Variants in RBPJ observed in about 807,000 individuals in gnomAD.
RBPJ encodes recombination signal binding protein for immunoglobulin kappa J region.
A neutral mutation model predicts 67.8 loss-of-function variants in RBPJ; 9 were observed. That is an observed-to-expected ratio of 0.13 (90% CI 0.08 to 0.23). RBPJ has a LOEUF of 0.23. Among genes scored for constraint, RBPJ ranks in the 10% least tolerant of loss-of-function variants. The probability of loss-of-function intolerance (pLI) is 1.00; values close to 1 mark genes in which losing one functional copy is unlikely to be tolerated. For missense variants in RBPJ, 305 were observed against 595.6 expected (o/e 0.51, Z 5.08); for synonymous variants, 198 against 203.3 (o/e 0.97, Z 0.22).
intron 1 of RBPJ, among the ~76,000 whole-genome samples, chr4:26,278,435 ATGTAG>A (rs1301061672): frequency 6.6e-6 from 1 of 152,238 alleles, no homozygotes; most frequent in African/African-American, 2.4e-5. Context: ...TAGAAAAAAT[ATGTAG>A]TGTTTTGGGT....
At chr4:26,129,370 C>T in the RBPJ span, among the ~76,000 whole-genome samples, 1 of 152,142 alleles carries the variant, frequency 6.6e-6, no homozygotes, top group Non-Finnish European at 1.5e-5. Flanking sequence ...TTCAAAGTGA[C>T]TACACATTGG....
chr4:26,356,314 A>C (rs1299173040), intron 1 of RBPJ, among the ~76,000 whole-genome samples: 8 of 152,350 alleles, frequency 5.3e-5, no homozygotes, highest in South Asian at 4.1e-4. Flanking sequence ...CTGTGTAGCT[A>C]CTGCCATTCA....
At chr4:26,417,776 C>T (rs953859306) in intron 4 of RBPJ, among the ~76,000 whole-genome samples, 1 of 152,120 alleles carries the variant, frequency 6.6e-6, no homozygotes, top group African/African-American at 2.4e-5. Flanking sequence ...AAACTCCATT[C>T]GTGTAAGGAA....
At position 26,380,556 on chromosome 4, in the gene RBPJ, T is replaced by C. The variant is rs186261806; in HGVS notation, c.21-5797T>C. Reference sequence around the variant, plus strand: ...TTTCATACTATTTGTTATCATAGAATATAGTAATAATGTATATCACCTATT... The same window carrying C: ...TTTCATACTATTTGTTATCATAGAACATAGTAATAATGTATATCACCTATT... On this transcript the variant is annotated intron_variant, in intron 1 of 10. Coordinates refer to ENST00000355476, the MANE Select transcript of RBPJ (RefSeq NM_015874.6). Among the ~76,000 whole-genome samples, 255 of 152,314 alleles carry C rather than the reference T, an allele frequency of 1.7e-3. 2 individuals carry two copies. Among genetic ancestry groups the C allele is most frequent in the African/African-American group, 5.9e-3 (247 of 41,574 alleles).
intron 1 of RBPJ, among the ~76,000 whole-genome samples, chr4:26,324,074 T>C (rs898967367): frequency 6.6e-6 from 1 of 152,174 alleles, no homozygotes; most frequent in Non-Finnish European, 1.5e-5. Context: ...AACTATGTAG[T>C]AAAATGGGAA....
chr4:26,338,517 C>G (rs1013059278), intron 1 of RBPJ, among the ~76,000 whole-genome samples: 2 of 151,468 alleles, frequency 1.3e-5, no homozygotes, highest in African/African-American at 4.8e-5. Context: ...TCTCTTTAAC[C>G]CTTCTGGAAG....
At chr4:26,121,326 G>A in the RBPJ span, among the ~76,000 whole-genome samples, 1 of 152,000 alleles carries the variant, frequency 6.6e-6, no homozygotes, top group African/African-American at 2.4e-5. Context: ...AATAACTTGA[G>A]AACCAAATAG....
In RBPJ at chr4:26,350,662, C is replaced by T. The variant is rs372371001; in HGVS notation, c.20+29614C>T. Among the ~76,000 whole-genome samples, 18 of 152,262 alleles carry T rather than the reference C, an allele frequency of 1.2e-4. No individual in the cohort carries two copies. The South Asian group carries it at 2.3e-3, about 19-fold the overall frequency. ...GATGGAGGGCATATAAGGGAGATAA[C>T]ATTCTAGCAAGAAGAAACAGCAAAT... On this transcript the variant is annotated intron_variant, in intron 1 of 10. Coordinates refer to ENST00000355476, the MANE Select transcript of RBPJ (RefSeq NM_015874.6).
At chr4:26,226,748 G>A (rs1267864322) in intron 1 of RBPJ, among the ~76,000 whole-genome samples, 1 of 152,102 alleles carries the variant, frequency 6.6e-6, no homozygotes, top group Non-Finnish European at 1.5e-5. Context: ...GGCACAGAGT[G>A]GTCTGGTTAA....
At chr4:26,319,699 G>T, upstream of RBPJ, 1 of 697,732 alleles carries the variant, frequency 1.4e-6, no homozygotes, top group South Asian at 1.6e-5. Flanking sequence ...GCGTGAGACT[G>T]GACTGCCCGC....
chr4:26,339,419 C>T (rs28465688), intron 1 of RBPJ, among the ~76,000 whole-genome samples: 7 of 151,898 alleles, frequency 4.6e-5, no homozygotes, highest in Non-Finnish European at 1.0e-4. Context: ...TGATCACTTG[C>T]GGTCAGGAGT....
chr4:26,120,209 AG>A, the RBPJ span, among the ~76,000 whole-genome samples: 1 of 152,222 alleles, frequency 6.6e-6, no homozygotes, highest in African/African-American at 2.4e-5. Context: ...ACAAAAGCAA[AG>A]GCACCAGAAA....
At chr4:26,189,953 C>A (rs1328867794) in intron 1 of RBPJ, among the ~76,000 whole-genome samples, 1 of 152,180 alleles carries the variant, frequency 6.6e-6, no homozygotes, top group Non-Finnish European at 1.5e-5. Flanking sequence ...ACCCAACACA[C>A]ACACACAGAT....
intron 1 of RBPJ, among the ~76,000 whole-genome samples, chr4:26,335,368 G>A (rs1456244376): frequency 6.6e-6 from 1 of 151,722 alleles, no homozygotes; most frequent in Non-Finnish European, 1.5e-5. Context: ...TTTTAGTAGA[G>A]ACAGGGTTTC....
chr4:26,261,067 G>A (rs1049696184), intron 1 of RBPJ, among the ~76,000 whole-genome samples: 27 of 152,188 alleles, frequency 1.8e-4, no homozygotes, highest in Non-Finnish European at 2.9e-5. Flanking sequence ...CACATAGGAA[G>A]AGGCATTATC....
At chr4:26,375,926 A>G (rs1252832514) in intron 1 of RBPJ, among the ~76,000 whole-genome samples, 2 of 152,116 alleles carry the variant, frequency 1.3e-5, no homozygotes, top group Admixed American at 1.3e-4. Context: ...TTATATTCAT[A>G]CATATACTCC....
intron 1 of RBPJ, among the ~76,000 whole-genome samples, chr4:26,226,788 A>G (rs1719090434): frequency 6.6e-6 from 1 of 152,244 alleles, no homozygotes; most frequent in Non-Finnish European, 1.5e-5. Context: ...GAGGGTTACC[A>G]TGGATACCAC....
At chr4:26,338,939 C>A (rs1725206583) in intron 1 of RBPJ, among the ~76,000 whole-genome samples, 1 of 151,600 alleles carries the variant, frequency 6.6e-6, no homozygotes, top group Non-Finnish European at 1.5e-5. Context: ...GCAGTCTCAA[C>A]CTCCTGAGTA....
intron 1 of RBPJ, among the ~76,000 whole-genome samples, chr4:26,385,585 C>G (rs1183342516): frequency 2.0e-5 from 3 of 152,076 alleles, no homozygotes; most frequent in Non-Finnish European, 2.9e-5. Flanking sequence ...TCTCTTTGCC[C>G]TCTCCCAACC....
Sources: gnomAD v4.1 joint callset for allele counts (sites outside exome capture counted in the v4.1 genomes callset) on GRCh38, gnomAD v4.1.1 for gene constraint, MANE v1.5 for transcripts, NCBI Gene and HGNC (gene_info 2026-07-23, HGNC 2026-07-21) for gene names.